NEMP2: variants seen among roughly 807,000 people sequenced by gnomAD.
NEMP2 encodes nuclear envelope integral membrane protein 2, also known as UPF0571 transmembrane protein.
Under a neutral mutation model 54.2 loss-of-function variants are expected in NEMP2, and 53 were observed. The ratio of observed to expected loss-of-function variants is 0.98; its 90% confidence interval spans 0.78 to 1.23. The LOEUF is 1.23. Ranked by LOEUF, NEMP2 falls within the 50% of genes most tolerant of loss-of-function variation. The pLI, the probability that NEMP2 is intolerant of heterozygous loss-of-function variation, is 0.00. For synonymous variants in NEMP2, 197 were observed against 190.3 expected (o/e 1.04, Z -0.29); for missense variants, 455 against 511.3 (o/e 0.89, Z 1.06).
Position 190,510,360 on chromosome 2 carries a change from C to A in NEMP2, c.1130+1G>T. The A allele has an allele frequency of 1.3e-6, 2 of 1,551,624 alleles. No individual in the cohort carries two copies. Among genetic ancestry groups the A allele is most frequent in the Non-Finnish European group, 1.7e-6 (2 of 1,146,976 alleles). On this transcript the variant is annotated splice_donor_variant, in intron 8 of 8. Transcript: ENST00000409150. LOFTEE classifies it high-confidence loss of function. This position sits in a 1 kb window ranked among gnomAD's most constrained non-coding sequence, Gnocchi z 5.7. Reference sequence around the variant, plus strand: ...GGTCCGAGCAGCAGAGCGGGACTTACTTGCTAGGAGTGTGGAGTCTGGAGA... The same window carrying A: ...GGTCCGAGCAGCAGAGCGGGACTTAATTGCTAGGAGTGTGGAGTCTGGAGA...
rs1285331984 is a variant in NEMP2 at position 190,514,028 on chromosome 2, C to T, written c.953+425G>A. ...CTAAAAACCTAAGAGAAAAGAAAGT[C>T]CTAAATACAAATAATACCTTTCAGT... On this transcript the variant is annotated intron_variant, in intron 7 of 8. Coordinates refer to ENST00000409150, the MANE Select transcript of NEMP2 (RefSeq NM_001142645.2). The surrounding 1 kb of genome is among the most constrained non-coding windows in gnomAD (Gnocchi z 5.7). 1.3e-5 allele frequency among the ~76,000 whole-genome samples: 2 copies of T among 152,174 alleles called. No individual in the cohort carries two copies. The highest frequency in any genetic ancestry group is 1.3e-4 in the Admixed American group (2 of 15,276).
chr2:190,428,083 C>G, the NEMP2 span, among the ~76,000 whole-genome samples: 45,959 of 152,076 alleles, frequency 0.3, 7,275 homozygotes, highest in African/African-American at 0.39. Context: ...TATTATTTTT[C>G]CATAAGTGGA....
the NEMP2 span, among the ~76,000 whole-genome samples, chr2:190,646,193 G>C: frequency 4.6e-5 from 7 of 152,246 alleles, no homozygotes; most frequent in East Asian, 9.6e-4. Flanking sequence ...TGTCTGGGAT[G>C]CCTCCAAGAA....
chr2:190,441,036 T>G, the NEMP2 span, among the ~76,000 whole-genome samples: 1 of 152,196 alleles, frequency 6.6e-6, no homozygotes, highest in African/African-American at 2.4e-5. Flanking sequence ...GAAGAAACTC[T>G]GCAGCCGGGT....
the NEMP2 span, among the ~76,000 whole-genome samples, chr2:190,494,963 C>T: frequency 6.6e-6 from 1 of 152,174 alleles, no homozygotes; most frequent in Non-Finnish European, 1.5e-5. The surrounding 1 kb of genome is among the most constrained non-coding windows in gnomAD (Gnocchi z 5.7). Context: ...CCACTCTCAC[C>T]ACTTCTATTC....
At chr2:190,588,900 T>C in the NEMP2 span, among the ~76,000 whole-genome samples, 7 of 152,152 alleles carry the variant, frequency 4.6e-5, no homozygotes, top group Non-Finnish European at 1.0e-4. This position sits in a 1 kb window ranked among gnomAD's most constrained non-coding sequence, Gnocchi z 5.0. Context: ...GTTGGATACA[T>C]ATCACTCAAT....
At chr2:190,475,726 G>A in the NEMP2 span, among the ~76,000 whole-genome samples, 8 of 152,148 alleles carry the variant, frequency 5.3e-5, no homozygotes, top group South Asian at 4.2e-4. Context: ...AAGTTCATAC[G>A]GAACCAAAAA....
chr2:190,533,505 A>T lies in NEMP2; in HGVS notation c.97+1054T>A, dbSNP rs1037839815. On this transcript the variant is annotated intron_variant, in intron 1 of 8. Transcript: ENST00000409150. The surrounding 1 kb of genome is among the most constrained non-coding windows in gnomAD (Gnocchi z 4.3). Reference sequence around the variant, plus strand: ...TGAACACTCAAAAAATTTCTCTTCAATGAAAACTGGAATCCAACACTTCCC... The same window carrying T: ...TGAACACTCAAAAAATTTCTCTTCATTGAAAACTGGAATCCAACACTTCCC... 6.6e-6 allele frequency among the ~76,000 whole-genome samples: 1 copy of T among 152,206 alleles called. No homozygotes were observed. The highest frequency in any genetic ancestry group is 1.9e-4 in the East Asian group (1 of 5,202).
Position 190,507,056 on chromosome 2 carries a change from G to C in NEMP2, c.*2133C>G, listed in dbSNP as rs376393825. ...AGTTATCTGTACATTGCTTGATGGG[G>C]ATTAGAATTGTGATCAGTACTATAA... is the stretch of plus-strand genomic sequence containing the variant. On this transcript the variant is annotated 3_prime_UTR_variant, in exon 9 of 9. Transcript: ENST00000409150. The surrounding 1 kb of genome is among the most constrained non-coding windows in gnomAD (Gnocchi z 4.4). The C allele has an allele frequency of 2.6e-5, 4 of 152,130 alleles. No homozygotes were observed. Among genetic ancestry groups the C allele is most frequent in the African/African-American group, 7.2e-5 (3 of 41,436 alleles). 9.4% of individuals were successfully genotyped at this position (152,130 alleles called of 1,614,324 possible).
Position 190,520,117 on chromosome 2 carries a change from C to A in NEMP2, c.214-934G>T, listed in dbSNP as rs1325933463. On this transcript the variant is annotated intron_variant, in intron 2 of 8. Coordinates refer to ENST00000409150, the MANE Select transcript of NEMP2 (RefSeq NM_001142645.2). This position sits in a 1 kb window ranked among gnomAD's most constrained non-coding sequence, Gnocchi z 5.4. ...GGGTATTTATTGAAGTGTTCTGGAA[C>A]CAAACCCACAGTCACATTATCTCTG... Among the ~76,000 whole-genome samples the A allele has an allele frequency of 6.6e-6, 1 of 152,062 alleles. No individual in the cohort carries two copies. Among genetic ancestry groups the A allele is most frequent in the South Asian group, 2.1e-4 (1 of 4,818 alleles).
the NEMP2 span, among the ~76,000 whole-genome samples, chr2:190,427,906 A>G: frequency 6.6e-6 from 1 of 151,980 alleles, no homozygotes; most frequent in Non-Finnish European, 1.5e-5. Context: ...TAATTTTTGT[A>G]TTTTTAGTAG....
chr2:190,539,005 C>T (rs1691463964), upstream of NEMP2, among the ~76,000 whole-genome samples: 1 of 152,154 alleles, frequency 6.6e-6, no homozygotes, highest in African/African-American at 2.4e-5. This position sits in a 1 kb window ranked among gnomAD's most constrained non-coding sequence, Gnocchi z 4.1. Flanking sequence ...GTTCCCTGTA[C>T]TTTTGTGGTC....
chr2:190,491,066 A>G, the NEMP2 span, among the ~76,000 whole-genome samples: 1 of 152,240 alleles, frequency 6.6e-6, no homozygotes, highest in Non-Finnish European at 1.5e-5. This position sits in a 1 kb window ranked among gnomAD's most constrained non-coding sequence, Gnocchi z 4.2. Flanking sequence ...GTATTTTGAG[A>G]AAAATGTATG....
the NEMP2 span, among the ~76,000 whole-genome samples, chr2:190,549,591 T>C: frequency 6.6e-6 from 1 of 152,198 alleles, no homozygotes; most frequent in Non-Finnish European, 1.5e-5. Context: ...TGGATTTCTA[T>C]ATATTTAATA....
rs1319948856 is a variant in NEMP2, at chr2:190,520,234, A to G, written c.214-1051T>C. On this transcript the variant is annotated intron_variant, in intron 2 of 8. Coordinates refer to ENST00000409150, the MANE Select transcript of NEMP2 (RefSeq NM_001142645.2). The surrounding 1 kb of genome is among the most constrained non-coding windows in gnomAD (Gnocchi z 5.4). ...CACCATTTTCTACTATGATTAAGAA[A>G]AAGCACTTCCTTTCTCTGGATCAGC... Among the ~76,000 whole-genome samples, 5 of 152,186 alleles carry G rather than the reference A, an allele frequency of 3.3e-5. No individual in the cohort carries two copies. The highest frequency in any genetic ancestry group is 6.5e-5 in the Admixed American group (1 of 15,284).
At chr2:190,559,096 T>C in the NEMP2 span, among the ~76,000 whole-genome samples, 4 of 152,170 alleles carry the variant, frequency 2.6e-5, no homozygotes, top group Non-Finnish European at 5.9e-5. The surrounding 1 kb of genome is among the most constrained non-coding windows in gnomAD (Gnocchi z 4.0). Flanking sequence ...AAAGTGAAGA[T>C]AGGCCAGAAT....
chr2:190,588,918 G>A, the NEMP2 span, among the ~76,000 whole-genome samples: 15 of 152,200 alleles, frequency 9.9e-5, no homozygotes, highest in East Asian at 5.8e-4. This position sits in a 1 kb window ranked among gnomAD's most constrained non-coding sequence, Gnocchi z 5.0. Flanking sequence ...AATTTCTTTC[G>A]TAGTCAAGGA....
chr2:190,544,674 A>G, the NEMP2 span, among the ~76,000 whole-genome samples: 1 of 152,288 alleles, frequency 6.6e-6, no homozygotes, highest in African/African-American at 2.4e-5. Flanking sequence ...AATAGTATTA[A>G]TGGGAAAAAT....
the NEMP2 span, among the ~76,000 whole-genome samples, chr2:190,473,206 A>G: frequency 6.6e-6 from 1 of 152,226 alleles, no homozygotes; most frequent in Non-Finnish European, 1.5e-5. Flanking sequence ...AGCTAACATC[A>G]TAATGACAGG....
Sources: allele counts gnomAD v4.1 joint callset (sites outside exome capture counted in the v4.1 genomes callset), GRCh38; gene constraint gnomAD v4.1.1; non-coding constraint Gnocchi (gnomAD v3.1); transcripts MANE v1.5; gene names NCBI Gene and HGNC (gene_info 2026-07-23, HGNC 2026-07-21).